The following HERC4 variants were observed in gnomAD, a reference collection of about 807,000 sequenced individuals.
HERC4 encodes probable E3 ubiquitin-protein ligase HERC4.
Under a neutral mutation model 124.3 loss-of-function variants are expected in HERC4, and 28 were observed. That is an observed-to-expected ratio of 0.23 (90% CI 0.17 to 0.31). The LOEUF is 0.31. HERC4 is among the 10% of genes least tolerant of loss of function. The probability of loss-of-function intolerance (pLI) is 1.00; values close to 1 mark genes in which losing one functional copy is unlikely to be tolerated. For missense variants in HERC4, 713 were observed against 1,229.3 expected (o/e 0.58, Z 6.28); for synonymous variants, 407 against 421.5 (o/e 0.97, Z 0.42).
chr10:68,021,994 C>CATTAA (rs2038653766), intron 8 of HERC4, among the ~76,000 whole-genome samples: 1 of 152,058 alleles, frequency 6.6e-6, no homozygotes, highest in Admixed American at 6.5e-5. Context: ...AATTTCTATA[C>CATTAA]ATTAACAATG....
chr10:68,028,864 T>C (rs2133310431), intron 7 of HERC4, among the ~76,000 whole-genome samples: 1 of 152,312 alleles, frequency 6.6e-6, no homozygotes, highest in East Asian at 1.9e-4. Flanking sequence ...GGAATTTATT[T>C]GCTATTAGCA....
intron 9 of HERC4, among the ~76,000 whole-genome samples, chr10:68,006,575 G>A (rs1381672755): frequency 2.0e-5 from 3 of 151,698 alleles, no homozygotes; most frequent in African/African-American, 7.3e-5. Flanking sequence ...ATGGGGTTTT[G>A]CCACGTTGGC....
chr10:68,007,363 C>CT (rs1162978505), intron 9 of HERC4, among the ~76,000 whole-genome samples: 2 of 151,998 alleles, frequency 1.3e-5, no homozygotes, highest in Non-Finnish European at 2.9e-5. Context: ...TCTGAACTTC[C>CT]TCTGTTTATC....
At chr10:68,074,528 A>G (rs182957242) in intron 1 of HERC4, 2 of 152,386 alleles carry the variant, frequency 1.3e-5, no homozygotes, top group African/African-American at 4.8e-5. Flanking sequence ...TCTTTAAAAC[A>G]CAGAGGCGTC....
chr10:68,055,654 A>T (rs2040511057), intron 3 of HERC4, among the ~76,000 whole-genome samples: 1 of 152,160 alleles, frequency 6.6e-6, no homozygotes, highest in Non-Finnish European at 1.5e-5. Flanking sequence ...GTATTTATTG[A>T]ACCACTGTCC....
intron 15 of HERC4, 100 bp from the exon 16 acceptor site, chr10:67,966,902 T>G (rs2034900949): frequency 1.3e-6 from 1 of 789,690 alleles, no homozygotes; most frequent in Non-Finnish European, 1.8e-6. Context: ...TCAACCAGGC[T>G]GGAGTGCAGT....
In HERC4 at chr10:67,981,042, CCTTA is replaced by C. The variant is rs1333010742; in HGVS notation, c.1806+7617_1806+7620del. Among the ~76,000 whole-genome samples the C allele has an allele frequency of 2.0e-5, 3 of 152,016 alleles. No individual in the cohort carries two copies. In the East Asian group the frequency reaches 5.8e-4, roughly 29 times the overall value. ...GAGTAACAAAATAGGAGGAGTGTGTCCTTACTTATCAATAACATTGGATGTAAAT... is the reference window on the plus strand; with the variant it reads ...GAGTAACAAAATAGGAGGAGTGTGTCCTTATCAATAACATTGGATGTAAAT... On this transcript the variant is annotated intron_variant, in intron 15 of 24. Coordinates refer to ENST00000373700, the MANE Select transcript of HERC4 (RefSeq NM_015601.4).
chr10:68,072,689 G>T lies in HERC4; in HGVS notation c.226+194C>A, dbSNP rs542598114. ...AAAATAAGGTTTTATAATACTAGTA[G>T]TAAAAAAAAAGAAACCACAACATAA... On this transcript the variant is annotated intron_variant, in intron 3 of 24. Transcript: ENST00000373700. Among the ~76,000 whole-genome samples the T allele has an allele frequency of 1.3e-4, 19 of 151,162 alleles. 1 individual carries two copies. The highest frequency in any genetic ancestry group is 4.6e-4 in the African/African-American group (19 of 41,226).
intron 3 of HERC4, chr10:68,068,916 C>T (rs2041434420): frequency 2.9e-6 from 1 of 347,116 alleles, no homozygotes. Flanking sequence ...GCCTTAGCTA[C>T]ATACAACTGT....
At chr10:67,987,588 C>T (rs1302772825) in intron 15 of HERC4, among the ~76,000 whole-genome samples, 3 of 152,094 alleles carry the variant, frequency 2.0e-5, no homozygotes, top group Non-Finnish European at 2.9e-5. Flanking sequence ...TAAAAGAAAG[C>T]CCTGTTCTGG....
intron 14 of HERC4, among the ~76,000 whole-genome samples, chr10:67,989,500 C>T (rs183576069): frequency 2.6e-5 from 4 of 151,980 alleles, no homozygotes; most frequent in Admixed American, 2.6e-4. Flanking sequence ...CCATATTCTA[C>T]CCCTTGCTTG....
intron 7 of HERC4, among the ~76,000 whole-genome samples, chr10:68,028,166 T>G (rs895456721): frequency 1.3e-5 from 2 of 151,320 alleles, no homozygotes; most frequent in African/African-American, 4.8e-5. Flanking sequence ...ATAAATAACT[T>G]AACTCATTAA....
intron 19 of HERC4, among the ~76,000 whole-genome samples, chr10:67,947,383 A>AAATATT (rs2033448614): frequency 6.6e-6 from 1 of 152,248 alleles, no homozygotes; most frequent in East Asian, 1.9e-4. Flanking sequence ...TATTGATAAC[A>AAATATT]GGGTCAATTC....
At chr10:67,924,279 A>C (rs1347091281) in intron 24 of HERC4, among the ~76,000 whole-genome samples, 4 of 152,226 alleles carry the variant, frequency 2.6e-5, no homozygotes, top group Non-Finnish European at 5.9e-5. Flanking sequence ...ATGAGGTATT[A>C]ATAACATGTA....
At chr10:67,962,551 C>A (rs967256922) in intron 16 of HERC4, among the ~76,000 whole-genome samples, 1 of 151,788 alleles carries the variant, frequency 6.6e-6, no homozygotes, top group Non-Finnish European at 1.5e-5. Context: ...TGAAAAACTT[C>A]AGAAAAAGAG....
chr10:68,072,596 C>T (rs2041626835), intron 3 of HERC4, among the ~76,000 whole-genome samples: 1 of 152,014 alleles, frequency 6.6e-6, no homozygotes, highest in Admixed American at 6.6e-5. Flanking sequence ...GACCTGCACA[C>T]TACACACTCT....
intron 21 of HERC4, among the ~76,000 whole-genome samples, chr10:67,938,815 G>T (rs1425352461): frequency 1.3e-5 from 2 of 151,922 alleles, no homozygotes; most frequent in African/African-American, 2.4e-5. Context: ...GTGGTGGCAG[G>T]CACCTGTAAT....
At position 68,044,453 on chromosome 10, in the gene HERC4, C is replaced by G. The variant is rs1481943618; in HGVS notation, c.337G>C (p.Asp113His). The G allele has an allele frequency of 6.2e-7, 1 of 1,614,016 alleles. No individual in the cohort carries two copies. The highest frequency in any genetic ancestry group is 8.5e-7 in the Non-Finnish European group (1 of 1,180,034). Residue 113 changes from aspartate to histidine, a missense_variant, in exon 4 of 25, where the codon GAT becomes CAT. Asp to His is a moderately conservative substitution (Grantham distance 81). Transcript: ENST00000373700. ...GATCCTACCAGGCCAAGCTGTCCATCAGAATCGAGACCCCAAGCATACACC... is the reference window on the plus strand; with the variant it reads ...GATCCTACCAGGCCAAGCTGTCCATGAGAATCGAGACCCCAAGCATACACC... ...GQVYAWGLDS[D>H]GQLGLVGSEE... is the part of the protein sequence containing the mutation.
chr10:68,074,305 A>G (rs1429393308), intron 1 of HERC4: 2 of 152,012 alleles, frequency 1.3e-5, no homozygotes, highest in African/African-American at 4.8e-5. Context: ...CGAAGTTTCA[A>G]CTCCAATTTT....
Sources: allele counts gnomAD v4.1 joint callset (sites outside exome capture counted in the v4.1 genomes callset), GRCh38; gene constraint gnomAD v4.1.1; transcripts MANE v1.5; gene names NCBI Gene and HGNC (gene_info 2026-07-23, HGNC 2026-07-21).